USP10: variants seen among roughly 807,000 people sequenced by gnomAD.
USP10 encodes ubiquitin specific peptidase 10.
Under a neutral mutation model 84.5 loss-of-function variants are expected in USP10, and 22 were observed. The observed-to-expected ratio is 0.26, with a 90% CI of 0.19 to 0.37. The LOEUF is 0.37. Ranked by LOEUF, USP10 falls within the 10% of genes least tolerant of loss-of-function variation. USP10 has a pLI of 1.00. For missense variants in USP10, 1,019 were observed against 998.9 expected (o/e 1.02, Z -0.27); for synonymous variants, 454 against 387.6 (o/e 1.17, Z -2.01).
chr16:84,767,773 A>AT (rs775614978), intron 10 of USP10, among the ~76,000 whole-genome samples: 13 of 140,070 alleles, frequency 9.3e-5, no homozygotes, highest in East Asian at 5.8e-4. Flanking sequence ...CAGAATTATT[A>AT]TTATTTTTTT....
chr16:84,742,082 T>C (rs1910692794), intron 3 of USP10, among the ~76,000 whole-genome samples: 2 of 152,230 alleles, frequency 1.3e-5, no homozygotes, highest in African/African-American at 2.4e-5. Context: ...AATTTTTTTA[T>C]ATTTTAATTT....
chr16:84,714,753 T>G (rs1012441652), intron 1 of USP10, among the ~76,000 whole-genome samples: 17 of 152,006 alleles, frequency 1.1e-4, no homozygotes, highest in African/African-American at 4.1e-4. Flanking sequence ...CGTCCTTAAT[T>G]CATTGATTAT....
At chr16:84,744,497 G>GT (rs2150821458) in intron 3 of USP10, 136 bp from the exon 4 acceptor site, 1 of 745,444 alleles carries the variant, frequency 1.3e-6, no homozygotes, top group Non-Finnish European at 2.1e-6. Flanking sequence ...ATTGTTCAGC[G>GT]TAAGTAAAGG....
intron 1 of USP10, among the ~76,000 whole-genome samples, chr16:84,717,089 AC>A (rs1275505829): frequency 6.6e-6 from 1 of 152,132 alleles, no homozygotes; most frequent in African/African-American, 2.4e-5. Context: ...GATTCAGTAC[AC>A]CTGGGGTGGG....
chr16:84,768,417 A>C (rs543403555), intron 11 of USP10, 59 bp downstream of exon 11: 1 of 1,427,534 alleles, frequency 7.0e-7, no homozygotes, highest in South Asian at 1.6e-5. Context: ...GGTGGAAAGA[A>C]CACAAAATTA....
chr16:84,727,393 A>C (rs1480878899), intron 1 of USP10, among the ~76,000 whole-genome samples: 1 of 152,236 alleles, frequency 6.6e-6, no homozygotes, highest in African/African-American at 2.4e-5. Context: ...AACACTAAAC[A>C]GTCAAACATA....
intron 3 of USP10, among the ~76,000 whole-genome samples, chr16:84,743,452 A>C (rs926507028): frequency 1.3e-5 from 2 of 152,280 alleles, no homozygotes; most frequent in East Asian, 3.9e-4. Context: ...TTTCTTCTAC[A>C]AAAAGATTTC....
In USP10 at chr16:84,700,017, C is replaced by A. The variant is rs1334014818; in HGVS notation, c.-74C>A. 113 of 1,309,518 alleles carry A rather than the reference C, an allele frequency of 8.6e-5. 1 individual carries two copies. The East Asian group carries it at 3.5e-3, about 40-fold the overall frequency. The allele number at this position is 1,309,518 out of a possible 1,614,324, so 81.1% of individuals were successfully genotyped here. ...GCCGATGCGAGTGTGTATGTGCGGG[C>A]GAGAAGATGGCGGCGGCGGGGGAAG... On this transcript the variant is annotated 5_prime_UTR_variant, in exon 1 of 14. Coordinates refer to ENST00000219473, the MANE Select transcript of USP10 (RefSeq NM_005153.3).
At chr16:84,755,109 C>A (rs541978617) in intron 4 of USP10, among the ~76,000 whole-genome samples, 5 of 151,486 alleles carry the variant, frequency 3.3e-5, no homozygotes, top group African/African-American at 9.7e-5. Flanking sequence ...GTTTTTGAGT[C>A]TGTTCGAACG....
chr16:84,749,800 A>G (rs185247913), intron 4 of USP10, among the ~76,000 whole-genome samples: 164 of 152,250 alleles, frequency 1.1e-3, no homozygotes, highest in Middle Eastern at 0.01. Flanking sequence ...TAAACTCTTG[A>G]TTACTCTTAA....
chr16:84,714,953 G>A (rs1259077288), intron 1 of USP10, among the ~76,000 whole-genome samples: 6 of 143,950 alleles, frequency 4.2e-5, no homozygotes, highest in Non-Finnish European at 9.1e-5. Flanking sequence ...TTTTTGAGAT[G>A]GAGTCTTGCT....
In USP10 at chr16:84,700,028, C is replaced by G; in HGVS notation, c.-63C>G. ...TGTGTATGTGCGGGCGAGAAGATGG[C>G]GGCGGCGGGGGAAGCAGCGTGAGCA... is the stretch of plus-strand genomic sequence containing the variant. On this transcript the variant is annotated 5_prime_UTR_variant, in exon 1 of 14. Coordinates refer to ENST00000219473, the MANE Select transcript of USP10 (RefSeq NM_005153.3). The G allele has an allele frequency of 7.5e-7, 1 of 1,325,854 alleles. No individual in the cohort carries two copies. The allele number at this position is 1,325,854 out of a possible 1,614,324, so 82.1% of individuals were successfully genotyped here.
chr16:84,736,368 C>T (rs1354953198), intron 2 of USP10, among the ~76,000 whole-genome samples: 1 of 152,202 alleles, frequency 6.6e-6, no homozygotes, highest in African/African-American at 2.4e-5. Flanking sequence ...CGCCTCCTGC[C>T]AGCGGAGGGC....
At position 84,751,937 on chromosome 16, in the gene USP10, C is replaced by T. The variant is rs546597010; in HGVS notation, c.1192+6264C>T. The stretch of plus-strand genomic sequence containing the variant: ...TAGCTTATGATGACATAAAAGTTTA[C>T]GATGCTGGTATTGCCTTTGAGTTGA... On this transcript the variant is annotated intron_variant, in intron 4 of 13. Transcript: ENST00000219473. Among the ~76,000 whole-genome samples, 9 of 152,092 alleles carry T rather than the reference C, an allele frequency of 5.9e-5. 1 individual carries two copies. Among genetic ancestry groups the T allele is most frequent in the African/African-American group, 1.9e-4 (8 of 41,490 alleles).
intron 1 of USP10, among the ~76,000 whole-genome samples, chr16:84,709,545 C>T (rs1597270108): frequency 1.3e-5 from 2 of 152,022 alleles, no homozygotes; most frequent in East Asian, 3.9e-4. Flanking sequence ...ATACTCTGCC[C>T]AGTGAAGAAT....
At chr16:84,722,002 G>A (rs1210197838) in intron 1 of USP10, among the ~76,000 whole-genome samples, 2 of 152,152 alleles carry the variant, frequency 1.3e-5, no homozygotes, top group African/African-American at 4.8e-5. Context: ...AGCCCAGTTT[G>A]AGTTTTGACA....
intron 8 of USP10, among the ~76,000 whole-genome samples, chr16:84,762,177 C>T (rs1052938076): frequency 7.2e-5 from 11 of 152,340 alleles, no homozygotes; most frequent in Non-Finnish European, 1.0e-4. Context: ...ACACAGCTAA[C>T]GCTCTAAATC....
intron 3 of USP10, among the ~76,000 whole-genome samples, chr16:84,740,798 ATGTCCTGGTC>A (rs1910534317): frequency 6.6e-6 from 1 of 152,182 alleles, no homozygotes; most frequent in Non-Finnish European, 1.5e-5. Context: ...GTTCACATTC[ATGTCCTGGTC>A]TGTCGCTGAC....
At chr16:84,746,596 G>T (rs12443928) in intron 4 of USP10, among the ~76,000 whole-genome samples, 26,110 of 152,170 alleles carry the variant, frequency 0.17, 2,554 homozygotes, top group Middle Eastern at 0.31. Context: ...AGGATGAAAA[G>T]TGCTTCACCT....
Sources: allele counts gnomAD v4.1 joint callset (sites outside exome capture counted in the v4.1 genomes callset), GRCh38; gene constraint gnomAD v4.1.1; transcripts MANE v1.5; gene names NCBI Gene and HGNC (gene_info 2026-07-23, HGNC 2026-07-21).